SPAST: variants seen among roughly 807,000 people sequenced by gnomAD.
SPAST encodes spastin, also known as spastic paraplegia 4 (autosomal dominant; spastin).
SPAST carries 30 observed loss-of-function variants against 76.6 expected under a neutral mutation model. That is an observed-to-expected ratio of 0.39 (90% CI 0.29 to 0.53). The LOEUF (loss-of-function observed/expected upper bound fraction) is 0.53. Ranked by LOEUF, SPAST falls within the 20% of genes least tolerant of loss-of-function variation. The pLI is 0.68. For synonymous variants in SPAST, 305 were observed against 281.0 expected (o/e 1.09, Z -0.86); for missense variants, 717 against 770.5 (o/e 0.93, Z 0.82).
At chr2:32,132,668 G>A (rs1247549998) in intron 9 of SPAST, among the ~76,000 whole-genome samples, 3 of 151,878 alleles carry the variant, frequency 2.0e-5, no homozygotes, top group African/African-American at 7.3e-5. Flanking sequence ...GCCTAGATAA[G>A]AACTGAATAT....
At chr2:32,072,530 A>C (rs1676794471) in intron 1 of SPAST, among the ~76,000 whole-genome samples, 1 of 152,160 alleles carries the variant, frequency 6.6e-6, no homozygotes, top group African/African-American at 2.4e-5. Context: ...CCCACTTCTC[A>C]TTATGGCCTG....
chr2:32,064,800 T>C (rs1375664336), intron 1 of SPAST, among the ~76,000 whole-genome samples: 1 of 152,236 alleles, frequency 6.6e-6, no homozygotes, highest in Admixed American at 6.5e-5. Flanking sequence ...GATTCCTGAA[T>C]ACTTTTTCAA....
rs1677629203 is a variant in SPAST, at chr2:32,089,567, C to G, written c.548C>G (p.Thr183Ser). 6.2e-7 allele frequency: 1 copy of G among 1,606,384 alleles called. No individual in the cohort carries two copies. Among genetic ancestry groups the G allele is most frequent in the Non-Finnish European group, 8.5e-7 (1 of 1,173,348 alleles). Residue 183 changes from threonine to serine, a missense_variant, in exon 3 of 17, where the codon ACT becomes AGT. Physicochemically the swap from Thr to Ser is moderately conservative, Grantham distance 58 (BLOSUM62 1). This residue lies in a region of SPAST where 543 missense variants were observed against 445.2 expected (regional missense o/e 1.22). Transcript: ENST00000315285. ...AGACGCCTTCAAGCTAAAATGATGA[C>G]TAATTTGGTTATGGCCAAGGACCGC... ...RARRLQAKMM[T>S]NLVMAKDRLQ...
chr2:32,103,629 C>G (rs1678208333), intron 4 of SPAST, among the ~76,000 whole-genome samples: 1 of 152,076 alleles, frequency 6.6e-6, no homozygotes, highest in Non-Finnish European at 1.5e-5. Flanking sequence ...CCTCTACACA[C>G]TACTTTAAAT....
At chr2:32,081,184 C>T (rs1023563199) in intron 1 of SPAST, among the ~76,000 whole-genome samples, 2 of 151,816 alleles carry the variant, frequency 1.3e-5, no homozygotes, top group African/African-American at 4.8e-5. Flanking sequence ...GTCTCGAACT[C>T]CTGATCTCAT....
chr2:32,087,720 G>A (rs1484925764), intron 2 of SPAST, 142 bp downstream of exon 2: 5 of 327,832 alleles, frequency 1.5e-5, no homozygotes, highest in African/African-American at 1.1e-4. Flanking sequence ...TTTGAGACAG[G>A]GTCTTTCCTC....
At chr2:32,066,265 T>C (rs7575139) in intron 1 of SPAST, 63,036 of 152,000 alleles carry the variant, frequency 0.41, 13,382 homozygotes, top group East Asian at 0.64. Flanking sequence ...TCAGCCACTG[T>C]GCCCACCCAG....
intron 1 of SPAST, among the ~76,000 whole-genome samples, chr2:32,076,290 T>G (rs978965624): frequency 6.6e-6 from 1 of 152,214 alleles, no homozygotes; most frequent in Non-Finnish European, 1.5e-5. Context: ...TACATAGGGT[T>G]TAAAACTTTC....
intron 4 of SPAST, among the ~76,000 whole-genome samples, chr2:32,110,707 A>G (rs1415184356): frequency 7.2e-6 from 1 of 138,342 alleles, no homozygotes; most frequent in Non-Finnish European, 1.5e-5. Context: ...TAGTGTACAT[A>G]GTATACTATA....
intron 15 of SPAST, among the ~76,000 whole-genome samples, chr2:32,146,076 A>C (rs1222746755): frequency 6.6e-6 from 1 of 152,250 alleles, no homozygotes; most frequent in Non-Finnish European, 1.5e-5. Flanking sequence ...AAAATAAAAA[A>C]TGTAATCTTG....
At chr2:32,092,126 T>C (rs1032065197) in intron 3 of SPAST, among the ~76,000 whole-genome samples, 9 of 152,352 alleles carry the variant, frequency 5.9e-5, no homozygotes, top group South Asian at 4.1e-4. Flanking sequence ...TACTCCTATA[T>C]GGTCATTGTG....
chr2:32,141,248 G>A (rs1439355844), intron 12 of SPAST, among the ~76,000 whole-genome samples: 4 of 152,160 alleles, frequency 2.6e-5, no homozygotes, highest in Non-Finnish European at 5.9e-5. Flanking sequence ...ACTGTTAGAT[G>A]CCTTCTTATA....
At chr2:32,140,746 A>G (rs554073271) in intron 12 of SPAST, among the ~76,000 whole-genome samples, 5 of 146,532 alleles carry the variant, frequency 3.4e-5, no homozygotes, top group Non-Finnish European at 7.7e-5. Context: ...GCAAAACCCC[A>G]TATCTATAAA....
chr2:32,073,311 G>A (rs778097986), intron 1 of SPAST, among the ~76,000 whole-genome samples: 2 of 152,132 alleles, frequency 1.3e-5, no homozygotes, highest in African/African-American at 4.8e-5. Context: ...AGGATTACAG[G>A]CGTGAGCCAC....
intron 2 of SPAST, among the ~76,000 whole-genome samples, chr2:32,088,263 C>A (rs1439469645): frequency 6.6e-6 from 1 of 151,488 alleles, no homozygotes; most frequent in East Asian, 2.0e-4. Context: ...AAACTTCTGG[C>A]CTCAAGTGAT....
chr2:32,115,173 C>T (rs1312657629), intron 5 of SPAST, among the ~76,000 whole-genome samples: 3 of 152,154 alleles, frequency 2.0e-5, no homozygotes, highest in Middle Eastern at 6.8e-3. Context: ...GTCTCAAACT[C>T]CCGACCTCAG....
intron 4 of SPAST, among the ~76,000 whole-genome samples, chr2:32,107,745 C>G (rs2148725055): frequency 6.6e-6 from 1 of 152,252 alleles, no homozygotes; most frequent in South Asian, 2.1e-4. Context: ...AACCCATAAT[C>G]TTTTCTTTTC....
intron 1 of SPAST, among the ~76,000 whole-genome samples, chr2:32,064,699 C>G (rs1463040909): frequency 2.0e-5 from 3 of 152,188 alleles, no homozygotes; most frequent in Non-Finnish European, 4.4e-5. Context: ...AAAAAAAGAA[C>G]AAATGGTGAC....
chr2:32,118,162 G>A (rs1284037676), intron 7 of SPAST, among the ~76,000 whole-genome samples: 1 of 152,162 alleles, frequency 6.6e-6, no homozygotes, highest in Non-Finnish European at 1.5e-5. Context: ...AATAAGTTGT[G>A]TGGCACGTTG....
Sources: gnomAD v4.1 joint callset for allele counts (sites outside exome capture counted in the v4.1 genomes callset) on GRCh38, gnomAD v4.1.1 for gene constraint, gnomAD v4.1.1 regional missense constraint, MANE v1.5 for transcripts, NCBI Gene and HGNC (gene_info 2026-07-23, HGNC 2026-07-21) for gene names.